Variants in DNAJC3 observed in about 807,000 individuals in gnomAD.
DNAJC3 encodes the protein DnaJ heat shock protein family (Hsp40) member C3, also known as dnaJ homolog subfamily C member 3.
Under a neutral mutation model 68.6 loss-of-function variants are expected in DNAJC3, and 38 were observed. That is an observed-to-expected ratio of 0.55 (90% CI 0.43 to 0.73). The LOEUF is 0.73. DNAJC3 is among the 30% of genes least tolerant of loss of function. The pLI is 0.00. For missense variants in DNAJC3, 526 were observed against 591.9 expected (o/e 0.89, Z 1.16); for synonymous variants, 203 against 204.0 (o/e 1.00, Z 0.04).
At position 95,760,783 on chromosome 13, in the gene DNAJC3, T is replaced by A; in HGVS notation, c.833T>A (p.Leu278His). ...LNKLIESAEE[L>H]IRDGRYTDAT... ...AAGCTGATTGAGTCAGCTGAAGAGC[T>A]CATCAGAGATGGCAGGTGAGAATAT... is the stretch of plus-strand genomic sequence containing the variant. The change falls in exon 7 of 12, where the codon CTC (leucine) becomes CAC (histidine). Residue 278 changes from leucine to histidine, a missense_variant. Coordinates refer to ENST00000602402, the MANE Select transcript of DNAJC3 (RefSeq NM_006260.5). The A allele has an allele frequency of 6.2e-7, 1 of 1,611,788 alleles. No individual in the cohort carries two copies. Among genetic ancestry groups the A allele is most frequent in the South Asian group, 1.1e-5 (1 of 90,724 alleles).
At chr13:95,762,203 G>A (rs1010332366) in intron 7 of DNAJC3, among the ~76,000 whole-genome samples, 7 of 152,020 alleles carry the variant, frequency 4.6e-5, no homozygotes, top group African/African-American at 9.7e-5. Context: ...TTGAGGTTGC[G>A]GTGAGCCGAG....
At chr13:95,704,851 G>GTTTTTTTTTGTTTTTTTTTTTTTTTTTTT (rs1880681419) in intron 1 of DNAJC3, among the ~76,000 whole-genome samples, 1 of 97,860 alleles carries the variant, frequency 1.0e-5, no homozygotes, top group African/African-American at 6.0e-5. Flanking sequence ...GTGTGTGTGT[G>GTTTTTTTTTGTTTTTTTTTTTTTTTTTTT]TTTTTTTTTT....
intron 9 of DNAJC3, among the ~76,000 whole-genome samples, chr13:95,784,200 CTAT>C: frequency 6.6e-6 from 1 of 152,290 alleles, no homozygotes; most frequent in African/African-American, 2.4e-5. Flanking sequence ...TCCCAGCAAT[CTAT>C]TATTGGAATT....
At position 95,723,021 on chromosome 13, in the gene DNAJC3, G is replaced by A. The variant is rs142956355; in HGVS notation, c.194-221G>A. The stretch of plus-strand genomic sequence containing the variant: ...TAAAAAACATTCTTAATTGAAGTCT[G>A]TAGGTCGGATGTGGCTTGGGCTGTA... On this transcript the variant is annotated intron_variant, in intron 2 of 11. Coordinates refer to ENST00000602402, the MANE Select transcript of DNAJC3 (RefSeq NM_006260.5). Among the ~76,000 whole-genome samples the A allele has an allele frequency of 7.7e-4, 117 of 152,018 alleles. 2 individuals carry two copies. The East Asian group carries it at 0.022, about 29-fold the overall frequency.
chr13:95,757,883 A>AC, intron 5 of DNAJC3, 87 bp downstream of exon 5: 1 of 1,348,858 alleles, frequency 7.4e-7, no homozygotes, highest in Non-Finnish European at 9.8e-7. Context: ...TACCACAAAG[A>AC]CCTAGACAGG....
chr13:95,731,078 A>G (rs1238101664), intron 4 of DNAJC3, among the ~76,000 whole-genome samples: 2 of 151,532 alleles, frequency 1.3e-5, no homozygotes, highest in Non-Finnish European at 2.9e-5. Flanking sequence ...TGTAAATGGG[A>G]TTGCCTTCTT....
chr13:95,739,303 T>C (rs1330393134), intron 4 of DNAJC3, among the ~76,000 whole-genome samples: 1 of 151,622 alleles, frequency 6.6e-6, no homozygotes, highest in East Asian at 1.9e-4. Flanking sequence ...TTATGTGTCT[T>C]GGAGTTGCTC....
At chr13:95,726,495 A>G (rs1881527742) in intron 4 of DNAJC3, among the ~76,000 whole-genome samples, 1 of 152,096 alleles carries the variant, frequency 6.6e-6, no homozygotes, top group Non-Finnish European at 1.5e-5. Flanking sequence ...GTCTGTTCAT[A>G]TCCTTCACCC....
intron 1 of DNAJC3, among the ~76,000 whole-genome samples, chr13:95,690,946 G>A (rs1379593239): frequency 7.1e-6 from 1 of 139,884 alleles, no homozygotes; most frequent in East Asian, 2.2e-4. Flanking sequence ...CTCCCGGACG[G>A]GGCGGCTGGC....
At chr13:95,757,296 C>T (rs1882691533) in intron 4 of DNAJC3, among the ~76,000 whole-genome samples, 1 of 152,050 alleles carries the variant, frequency 6.6e-6, no homozygotes, top group South Asian at 2.1e-4. Context: ...AAATAAAACT[C>T]AAGTTAATTT....
intron 1 of DNAJC3, chr13:95,692,751 A>G (rs1474477755): frequency 1.3e-5 from 2 of 152,084 alleles, no homozygotes; most frequent in African/African-American, 4.8e-5. Context: ...CTTCAAGTCA[A>G]CTAGACCTTA....
intron 1 of DNAJC3, among the ~76,000 whole-genome samples, chr13:95,691,119 A>C (rs1228624240): frequency 4.9e-5 from 7 of 142,566 alleles, no homozygotes; most frequent in African/African-American, 1.9e-4. Flanking sequence ...CACTTCCCAG[A>C]CGGAGCGGCT....
At chr13:95,707,133 A>T (rs1220287922) in intron 1 of DNAJC3, among the ~76,000 whole-genome samples, 1 of 152,196 alleles carries the variant, frequency 6.6e-6, no homozygotes, top group Non-Finnish European at 1.5e-5. Flanking sequence ...TGCACAACCT[A>T]GACCCCTTGC....
intron 4 of DNAJC3, among the ~76,000 whole-genome samples, chr13:95,743,198 A>C (rs1882202422): frequency 6.6e-6 from 1 of 152,174 alleles, no homozygotes; most frequent in South Asian, 2.1e-4. Context: ...TTAAAAGAAA[A>C]ACTTTTGAGA....
intron 1 of DNAJC3, among the ~76,000 whole-genome samples, chr13:95,689,146 CG>C (rs1044564357): frequency 5.2e-5 from 7 of 133,492 alleles, no homozygotes; most frequent in Middle Eastern, 3.8e-3. Context: ...TTTTTTTTTT[CG>C]GGGGGGAATA....
chr13:95,781,962 A>C (rs540023867), intron 9 of DNAJC3, among the ~76,000 whole-genome samples: 4 of 151,304 alleles, frequency 2.6e-5, no homozygotes, highest in African/African-American at 9.7e-5. Context: ...CCAGCCCCCT[A>C]CCTCCCCACG....
chr13:95,755,584 C>A (rs915329970), intron 4 of DNAJC3, among the ~76,000 whole-genome samples: 2 of 151,364 alleles, frequency 1.3e-5, no homozygotes, highest in Non-Finnish European at 2.9e-5. Context: ...TGGTGAAACA[C>A]CATCTCTACT....
intron 2 of DNAJC3, among the ~76,000 whole-genome samples, chr13:95,720,174 GT>G (rs1258765320): frequency 6.6e-6 from 1 of 152,072 alleles, no homozygotes; most frequent in Non-Finnish European, 1.5e-5. Flanking sequence ...AGAAGGAAAG[GT>G]TTATTTTTCC....
intron 1 of DNAJC3, among the ~76,000 whole-genome samples, chr13:95,681,436 G>T (rs1382141481): frequency 6.6e-6 from 1 of 152,082 alleles, no homozygotes; most frequent in Non-Finnish European, 1.5e-5. Flanking sequence ...ATGTAGGCTT[G>T]ACCTCCTGGG....
Sources: allele counts gnomAD v4.1 joint callset (sites outside exome capture counted in the v4.1 genomes callset), GRCh38; gene constraint gnomAD v4.1.1; transcripts MANE v1.5; gene names NCBI Gene and HGNC (gene_info 2026-07-23, HGNC 2026-07-21).